IRX2: variants seen among roughly 807,000 people sequenced by gnomAD.
IRX2 encodes iroquois-class homeodomain protein IRX-2.
A neutral mutation model predicts 42.9 loss-of-function variants in IRX2; 26 were observed. The observed-to-expected ratio is 0.61, with a 90% CI of 0.44 to 0.84. The LOEUF (loss-of-function observed/expected upper bound fraction) is 0.84. IRX2 is among the 40% of genes least tolerant of loss of function. IRX2 has a pLI of 0.00. For missense variants in IRX2, 782 were observed against 713.9 expected (o/e 1.10, Z -1.09); for synonymous variants, 424 against 353.9 (o/e 1.20, Z -2.22).
chr5:2,736,263 C>A, the IRX2 span, among the ~76,000 whole-genome samples: 3 of 152,220 alleles, frequency 2.0e-5, no homozygotes, highest in African/African-American at 7.2e-5. Context: ...CCTGGTGAAG[C>A]ACTCCAGCCC....
At chr5:2,739,153 C>T in the IRX2 span, among the ~76,000 whole-genome samples, 1 of 152,246 alleles carries the variant, frequency 6.6e-6, no homozygotes, top group Non-Finnish European at 1.5e-5. Context: ...CGCATAAGCT[C>T]CCTGAAGAAG....
At position 2,751,534 on chromosome 5, in the gene IRX2, A is replaced by T; in HGVS notation, c.-121T>A. On this transcript the variant is annotated 5_prime_UTR_variant, in exon 1 of 4. Transcript: ENST00000302057. The surrounding 1 kb of genome is among the most constrained non-coding windows in gnomAD (Gnocchi z 4.0). ...GGGCACCCGGACGGCCGGCGGAGGC[A>T]GGCCGGCCCGGGTACTAGCCTGGGC... 3.1e-6 allele frequency: 2 copies of T among 642,430 alleles called. No individual in the cohort carries two copies. The highest frequency in any genetic ancestry group is 3.8e-6 in the Non-Finnish European group (2 of 522,452). The allele number at this position is 642,430 out of a possible 1,614,324, so 39.8% of individuals were successfully genotyped here.
rs747211820 is a variant in IRX2, at chr5:2,748,436, C to T, written c.1272G>A (p.Ala424=). The part of the protein sequence containing the change: ...AAAPGEALHT[A]PKAASDAGKA... ...TGCCCGCGTCGCTGGCCGCCTTTGG[C>T]GCGGTGTGCAGGGCCTCGCCGGGGG... The change falls in exon 3 of 4, where the codon GCG becomes GCA. Residue 424 remains alanine (A), a synonymous_variant. Transcript: ENST00000302057. The T allele has an allele frequency of 6.4e-7, 1 of 1,550,792 alleles. No individual in the cohort carries two copies. The highest frequency in any genetic ancestry group is 8.7e-7 in the Non-Finnish European group (1 of 1,154,044).
chr5:2,744,680 T>C (rs942972008), downstream of IRX2, among the ~76,000 whole-genome samples: 1 of 152,196 alleles, frequency 6.6e-6, no homozygotes, highest in South Asian at 2.1e-4. Flanking sequence ...TGCCAATAGA[T>C]AGCTCAGCTC....
At chr5:2,745,864 A>C (rs1737648570), downstream of IRX2, 1 of 152,150 alleles carries the variant, frequency 6.6e-6, no homozygotes, top group South Asian at 2.1e-4. Flanking sequence ...AGATCATTTT[A>C]TTTTGCCAAG....
In IRX2 at chr5:2,746,928, G is replaced by A. The variant is rs1579624270; in HGVS notation, c.*636C>T. On this transcript the variant is annotated 3_prime_UTR_variant, in exon 4 of 4. Coordinates refer to ENST00000302057, the MANE Select transcript of IRX2 (RefSeq NM_033267.5). ...ATTAGTAATTCTGACTCGTTGCAAAGCAACATATTTTTTGAGATACTGTTG... is the reference window on the plus strand; with the variant it reads ...ATTAGTAATTCTGACTCGTTGCAAAACAACATATTTTTTGAGATACTGTTG... The A allele has an allele frequency of 6.6e-6, 1 of 152,412 alleles. No individual in the cohort carries two copies. The highest frequency in any genetic ancestry group is 2.4e-5 in the African/African-American group (1 of 41,380). 9.4% of individuals were successfully genotyped at this position (152,412 alleles called of 1,614,324 possible).
Position 2,750,531 on chromosome 5 carries a change from G to A in IRX2, c.249+634C>T, listed in dbSNP as rs557563152. Among the ~76,000 whole-genome samples the A allele has an allele frequency of 9.2e-5, 14 of 152,310 alleles. 1 individual carries two copies. The South Asian group carries it at 2.7e-3, about 29-fold the overall frequency. ...CCCAGGTCGCCGGAGCAGGAGCTGCGCTCGGGCCACGGAGGACTCAGGCGG... is the reference window on the plus strand; with the variant it reads ...CCCAGGTCGCCGGAGCAGGAGCTGCACTCGGGCCACGGAGGACTCAGGCGG... On this transcript the variant is annotated intron_variant, in intron 1 of 3. Transcript: ENST00000302057.
At chr5:2,743,206 C>T (rs892554109), downstream of IRX2, among the ~76,000 whole-genome samples, 2 of 152,208 alleles carry the variant, frequency 1.3e-5, no homozygotes, top group Non-Finnish European at 2.9e-5. Context: ...GCCCCAGCAC[C>T]CAGCCCCCTT....
the IRX2 span, chr5:2,737,077 G>A: frequency 1.4e-3 from 216 of 152,304 alleles, no homozygotes; most frequent in Admixed American, 3.8e-3. Context: ...GAAGTGGGCC[G>A]ACCACAGCCA....
chr5:2,744,905 G>A (rs1039447293), downstream of IRX2, among the ~76,000 whole-genome samples: 2 of 152,186 alleles, frequency 1.3e-5, no homozygotes, highest in African/African-American at 2.4e-5. Flanking sequence ...TCTGTGTCCA[G>A]TTAACAGTCC....
At chr5:2,744,648 C>A (rs1204484645), downstream of IRX2, among the ~76,000 whole-genome samples, 2 of 152,172 alleles carry the variant, frequency 1.3e-5, no homozygotes, top group Admixed American at 6.5e-5. Flanking sequence ...GCAAAGCTTA[C>A]CATGTGAAAA....
chr5:2,737,511 C>A, the IRX2 span, among the ~76,000 whole-genome samples: 1 of 152,168 alleles, frequency 6.6e-6, no homozygotes, highest in Non-Finnish European at 1.5e-5. Flanking sequence ...AAGAGATGGG[C>A]TTTCAGGGGC....
intron 1 of IRX2, among the ~76,000 whole-genome samples, chr5:2,750,162 CT>C (rs1737885049): frequency 6.6e-6 from 1 of 152,106 alleles, no homozygotes; most frequent in Non-Finnish European, 1.5e-5. Flanking sequence ...CTGCCTCCCC[CT>C]ACTCCCTCTT....
the IRX2 span, among the ~76,000 whole-genome samples, chr5:2,738,581 C>A: frequency 4.1e-4 from 63 of 152,198 alleles, no homozygotes; most frequent in African/African-American, 1.3e-3. Context: ...CCCAGGGAAG[C>A]CTTCACCCTC....
intron 3 of IRX2, among the ~76,000 whole-genome samples, chr5:2,748,116 A>G (rs1394850415): frequency 6.6e-6 from 1 of 152,212 alleles, no homozygotes; most frequent in Non-Finnish European, 1.5e-5. Flanking sequence ...AATAGTCAAA[A>G]TAACAGTAAA....
At chr5:2,744,189 C>T (rs1444046033), downstream of IRX2, among the ~76,000 whole-genome samples, 1 of 151,650 alleles carries the variant, frequency 6.6e-6, no homozygotes, top group Non-Finnish European at 1.5e-5. Flanking sequence ...CGGCTTTTAC[C>T]CCTGCTCCAA....
the IRX2 span, among the ~76,000 whole-genome samples, chr5:2,738,763 C>T: frequency 2.3e-3 from 343 of 152,338 alleles, 2 homozygotes; most frequent in African/African-American, 5.9e-3. Context: ...GACCGTCTCC[C>T]CACCTGCGGG....
downstream of IRX2, among the ~76,000 whole-genome samples, chr5:2,744,315 A>G (rs553107713): frequency 4.7e-4 from 72 of 152,204 alleles, no homozygotes; most frequent in African/African-American, 1.7e-3. Context: ...TTCCGTGTTT[A>G]TTTTGTTAAA....
At chr5:2,742,576 G>A (rs555427827), downstream of IRX2, among the ~76,000 whole-genome samples, 6 of 152,234 alleles carry the variant, frequency 3.9e-5, no homozygotes, top group African/African-American at 1.4e-4. Flanking sequence ...AAAATGTTAT[G>A]TTTGTAAAAG....
Sources: gnomAD v4.1 joint callset for allele counts (sites outside exome capture counted in the v4.1 genomes callset) on GRCh38, gnomAD v4.1.1 for gene constraint, Gnocchi (gnomAD v3.1) non-coding constraint, MANE v1.5 for transcripts, NCBI Gene and HGNC (gene_info 2026-07-23, HGNC 2026-07-21) for gene names.